Variants in UTRN observed in about 807,000 individuals in gnomAD.
UTRN encodes dystrophin-related protein 1.
Under a neutral mutation model 463.9 loss-of-function variants are expected in UTRN, and 283 were observed. That is an observed-to-expected ratio of 0.61 (90% CI 0.55 to 0.67). UTRN has a LOEUF of 0.67. UTRN is among the 30% of genes least tolerant of loss of function. The pLI is 0.00. For missense variants in UTRN, 3,922 were observed against 4,084.3 expected (o/e 0.96, Z 1.08); for synonymous variants, 1,442 against 1,431.5 (o/e 1.01, Z -0.17).
intron 2 of UTRN, among the ~76,000 whole-genome samples, chr6:144,354,648 T>A (rs900443416): frequency 6.6e-6 from 1 of 152,164 alleles, no homozygotes; most frequent in African/African-American, 2.4e-5. Context: ...CCTGTCCTCA[T>A]GGTTCATGCT....
At chr6:144,469,328 A>G (rs2128566044) in intron 23 of UTRN, among the ~76,000 whole-genome samples, 1 of 152,324 alleles carries the variant, frequency 6.6e-6, no homozygotes, top group South Asian at 2.1e-4. Flanking sequence ...GTCATAATAA[A>G]GCAGTTGGTT....
intron 51 of UTRN, among the ~76,000 whole-genome samples, chr6:144,581,204 C>T (rs1801938805): frequency 6.6e-6 from 1 of 152,144 alleles, no homozygotes; most frequent in South Asian, 2.1e-4. Context: ...GATGCAGAAA[C>T]TTTATTTTTT....
intron 23 of UTRN, among the ~76,000 whole-genome samples, chr6:144,463,173 A>G (rs1017334825): frequency 1.3e-5 from 2 of 152,222 alleles, no homozygotes; most frequent in Non-Finnish European, 2.9e-5. Flanking sequence ...ACTGTTGATT[A>G]GATTATAGTA....
chr6:144,480,602 T>C (rs1411659369), intron 26 of UTRN, among the ~76,000 whole-genome samples: 2 of 152,192 alleles, frequency 1.3e-5, no homozygotes, highest in African/African-American at 4.8e-5. Context: ...ACATTTCCTG[T>C]AAACTTGTAC....
At chr6:144,701,202 C>T (rs984902289) in intron 53 of UTRN, among the ~76,000 whole-genome samples, 2 of 151,968 alleles carry the variant, frequency 1.3e-5, no homozygotes, top group African/African-American at 2.4e-5. Context: ...CCACCTTACC[C>T]GACCTGAGAA....
Position 144,479,819 on chromosome 6 carries a change from C to T in UTRN, c.3344C>T (p.Thr1115Ile), listed in dbSNP as rs202026510. 1.9e-6 allele frequency: 3 copies of T among 1,612,450 alleles called. No homozygotes were observed. The highest frequency in any genetic ancestry group is 2.5e-6 in the Non-Finnish European group (3 of 1,179,364). ...ATGGCTTTTCCTTTGTAGATCGCTACTCAAAAAAGTAGGTTGTCTGAAAGT... is the reference window on the plus strand; with the variant it reads ...ATGGCTTTTCCTTTGTAGATCGCTATTCAAAAAAGTAGGTTGTCTGAAAGT... The part of the protein sequence containing the change: ...QLEKLSKEIA[T>I]QKSRLSESQE... Residue 1115 changes from threonine (T) to isoleucine (I), a missense_variant, in exon 26 of 75, where the codon ACT becomes ATT. Around this residue, in one of 3 missense-constraint regions of UTRN, gnomAD observed 2,349 missense variants for 2,303.8 expected, o/e 1.02. Coordinates refer to ENST00000367545, the MANE Select transcript of UTRN (RefSeq NM_007124.3).
intron 51 of UTRN, among the ~76,000 whole-genome samples, chr6:144,677,885 C>T (rs1341808315): frequency 6.6e-6 from 1 of 152,076 alleles, no homozygotes; most frequent in Non-Finnish European, 1.5e-5. Context: ...GTTTGTTGGC[C>T]ACATAAATGT....
Position 144,517,368 on chromosome 6 carries a change from CT to C in UTRN, c.5541+432del, listed in dbSNP as rs140155099. Among the ~76,000 whole-genome samples, 785 of 142,710 alleles carry C rather than the reference CT, an allele frequency of 5.5e-3. 1 individual carries two copies. Among genetic ancestry groups the C allele is most frequent in the African/African-American group, 0.016 (612 of 39,120 alleles). The allele number at this position is 142,710 out of a possible 152,430, so 93.6% of individuals were successfully genotyped here. A position where few individuals can be genotyped will look rare whatever the true frequency, so the allele number is the denominator to read the frequency against. Reference sequence around the variant, plus strand: ...TCCCTTTTTATTTCTTTATATTTTTCTTTTTTTTTTTTAAAGATGGGGTATC... The same window carrying C: ...TCCCTTTTTATTTCTTTATATTTTTCTTTTTTTTTTTAAAGATGGGGTATC... On this transcript the variant is annotated intron_variant, in intron 39 of 74. Coordinates refer to ENST00000367545, the MANE Select transcript of UTRN (RefSeq NM_007124.3).
chr6:144,840,383 A>T (rs1437212699), intron 72 of UTRN, among the ~76,000 whole-genome samples: 1 of 151,860 alleles, frequency 6.6e-6, no homozygotes, highest in African/African-American at 2.4e-5. Flanking sequence ...AATTGGTGAA[A>T]TTTTTTTTGT....
At chr6:144,835,694 G>A in intron 69 of UTRN, 86 bp from the exon 70 acceptor site, 3 of 1,563,202 alleles carry the variant, frequency 1.9e-6, no homozygotes, top group Non-Finnish European at 2.6e-6. Flanking sequence ...CCACTATCCT[G>A]TCCATCATTA....
chr6:144,438,595 C>T (rs1786815930), intron 11 of UTRN, 150 bp from the exon 12 acceptor site: 2 of 973,608 alleles, frequency 2.1e-6, no homozygotes, highest in South Asian at 2.0e-5. Flanking sequence ...AGTTTACTTT[C>T]CTGGCTTCTA....
At chr6:144,329,662 A>G (rs888621118) in intron 2 of UTRN, among the ~76,000 whole-genome samples, 1 of 152,220 alleles carries the variant, frequency 6.6e-6, no homozygotes, top group Non-Finnish European at 1.5e-5. Context: ...GTGATCTGCC[A>G]TCACAATGGA....
At chr6:144,390,804 C>T (rs185494506) in intron 2 of UTRN, among the ~76,000 whole-genome samples, 1 of 152,254 alleles carries the variant, frequency 6.6e-6, no homozygotes, top group Non-Finnish European at 1.5e-5. Context: ...TGTATCTGTA[C>T]CTGATATATT....
chr6:144,368,468 C>T (rs1051432626), intron 2 of UTRN, among the ~76,000 whole-genome samples: 1 of 152,010 alleles, frequency 6.6e-6, no homozygotes, highest in Non-Finnish European at 1.5e-5. Context: ...CATATCTTTA[C>T]CATTAAGGAA....
At position 144,444,263 on chromosome 6, in the gene UTRN, G is replaced by T; in HGVS notation, c.1513-18G>T. ...TCTTAAGGCTGTGTTGACAAAGGAT[G>T]GTTTCTCCTTTTTCTAGAAACTTGG... On this transcript the variant is annotated intron_variant, in intron 13 of 74. Transcript: ENST00000367545. The T allele has an allele frequency of 6.3e-7, 1 of 1,593,916 alleles. No homozygotes were observed. Among genetic ancestry groups the T allele is most frequent in the South Asian group, 1.1e-5 (1 of 89,618 alleles).
At chr6:144,707,409 C>A (rs1785205187) in intron 53 of UTRN, among the ~76,000 whole-genome samples, 1 of 152,142 alleles carries the variant, frequency 6.6e-6, no homozygotes, top group African/African-American at 2.4e-5. Context: ...GGGAAGAAAT[C>A]ATGTCTCTTT....
chr6:144,379,030 C>A (rs1221579118), intron 2 of UTRN, among the ~76,000 whole-genome samples: 1 of 152,092 alleles, frequency 6.6e-6, no homozygotes, highest in Admixed American at 6.5e-5. Flanking sequence ...AGACTAGAGG[C>A]AGAATAGATT....
intron 2 of UTRN, among the ~76,000 whole-genome samples, chr6:144,384,370 G>A (rs1562323412): frequency 6.6e-6 from 1 of 152,104 alleles, no homozygotes; most frequent in Non-Finnish European, 1.5e-5. Context: ...CCCTATTGTG[G>A]ACTGTGCATG....
intron 43 of UTRN, among the ~76,000 whole-genome samples, chr6:144,536,647 G>C (rs1444599728): frequency 6.6e-6 from 1 of 151,922 alleles, no homozygotes; most frequent in Non-Finnish European, 1.5e-5. Flanking sequence ...ACTCCTAGCT[G>C]CAAAAACATA....
Sources: allele counts gnomAD v4.1 joint callset (sites outside exome capture counted in the v4.1 genomes callset), GRCh38; gene constraint gnomAD v4.1.1; regional missense constraint gnomAD v4.1.1; transcripts MANE v1.5; gene names NCBI Gene and HGNC (gene_info 2026-07-23, HGNC 2026-07-21).